Variants in ZNF302 observed in about 807,000 individuals in gnomAD.
The protein encoded by ZNF302 is zinc finger protein 302, also known as zinc finger protein 327.
In ZNF302, 12 loss-of-function variants were observed where a neutral mutation model predicts 10.8. That is an observed-to-expected ratio of 1.11 (90% CI 0.71 to 1.79). ZNF302 has a LOEUF of 1.79. ZNF302 is among the 40% of genes most tolerant of loss of function. The pLI is 0.00. For missense variants in ZNF302, 461 were observed against 471.1 expected, an observed-to-expected ratio of 0.98 and a Z score of 0.20; for synonymous variants, 178 against 157.5, an observed-to-expected ratio of 1.13 and a Z score of -0.98.
At chr19:34,683,366 G>T in intron 4 of ZNF302, 128 bp downstream of exon 4, 1 of 1,061,518 alleles carries the variant, frequency 9.4e-7, no homozygotes, top group South Asian at 1.7e-5. Context: ...AAAATTGAGG[G>T]ATATTTAGCT....
intron 3 of ZNF302, 54 bp from the exon 4 acceptor site, chr19:34,683,101 C>G: frequency 1.9e-6 from 3 of 1,608,338 alleles, no homozygotes; most frequent in Non-Finnish European, 2.6e-6. Flanking sequence ...TTGTGATGGC[C>G]TCTCATAATA....
chr19:34,681,110 C>G (rs1000193422), intron 2 of ZNF302, among the ~76,000 whole-genome samples: 4 of 152,152 alleles, frequency 2.6e-5, no homozygotes, highest in African/African-American at 9.7e-5. Context: ...ATCCATGTCA[C>G]TGGTGAACAT....
intron 2 of ZNF302, among the ~76,000 whole-genome samples, chr19:34,680,387 C>T (rs901456846): frequency 3.9e-5 from 6 of 152,110 alleles, no homozygotes; most frequent in South Asian, 4.1e-4. Context: ...CTGATCAGTA[C>T]GGTAGCCAAC....
At chr19:34,684,092 G>A (rs1174301162) in intron 4 of ZNF302, 160 bp from the exon 5 acceptor site, 2 of 1,498,424 alleles carry the variant, frequency 1.3e-6, no homozygotes. Flanking sequence ...TATTTGAGTT[G>A]TCAGAACTAT....
chr19:34,681,816 C>CA (rs2068362821), intron 2 of ZNF302: 1 of 152,208 alleles, frequency 6.6e-6, no homozygotes, highest in Non-Finnish European at 1.5e-5. Context: ...AACCATCCTT[C>CA]AGTCTTTTCA....
At chr19:34,678,431 CAAA>C (rs11441977) in intron 1 of ZNF302, among the ~76,000 whole-genome samples, 1 of 115,244 alleles carries the variant, frequency 8.7e-6, no homozygotes. Flanking sequence ...GACTCCGTCT[CAAA>C]AAAAAAAAAA....
rs370599937 is a variant in ZNF302 at position 34,684,358 on chromosome 19, T to C, written c.321T>C (p.Tyr107=). The C allele has an allele frequency of 3.9e-5, 62 of 1,602,026 alleles. No homozygotes were observed. The highest frequency in any genetic ancestry group is 1.1e-4 in the East Asian group (5 of 44,738). ...VTMEKVVKQS[Y]EFSNSNKNLE... is the part of the protein sequence containing the mutation. ...TGGAAAAAGTTGTAAAACAAAGTTA[T>C]GAATTTTCAAATTCTAATAAGAATT... The change falls in exon 5 of 5, where the codon TAT becomes TAC. Residue 107 remains tyrosine (Y), a synonymous_variant. Coordinates refer to ENST00000505242, the MANE Select transcript of ZNF302 (RefSeq NM_001289187.2).
chr19:34,676,643 G>A (rs1043941745), upstream of ZNF302: 2 of 152,168 alleles, frequency 1.3e-5, no homozygotes, highest in African/African-American at 4.8e-5. Context: ...TGAGCTCTAA[G>A]AACTCTCTCT....
At position 34,679,766 on chromosome 19, in the gene ZNF302, C is replaced by A. The variant is rs189172176; in HGVS notation, c.9+953C>A. The A allele has an allele frequency of 3.1e-5, 21 of 675,880 alleles. No individual in the cohort carries two copies. In the East Asian group the frequency reaches 5.7e-4, roughly 18 times the overall value. The allele number at this position is 675,880 out of a possible 1,614,324, so 41.9% of individuals were successfully genotyped here. On this transcript the variant is annotated intron_variant, in intron 2 of 4. Coordinates refer to ENST00000505242, the MANE Select transcript of ZNF302 (RefSeq NM_001289187.2). ...TGATGTACTGTATGTTCAGTATATGCACGTGCTCATTGTCTGTTCCTGGTG... is the reference window on the plus strand; with the variant it reads ...TGATGTACTGTATGTTCAGTATATGAACGTGCTCATTGTCTGTTCCTGGTG...
chr19:34,684,476 C>T lies in ZNF302; in HGVS notation c.439C>T (p.His147Tyr), dbSNP rs1258221506. The T allele has an allele frequency of 1.9e-6, 3 of 1,612,626 alleles. No individual in the cohort carries two copies. Among genetic ancestry groups the T allele is most frequent in the East Asian group, 2.2e-5 (1 of 44,856 alleles). Residue 147 changes from histidine (H) to tyrosine (Y), a missense_variant, in exon 5 of 5, where the codon CAC (histidine) becomes TAC (tyrosine). Coordinates refer to ENST00000505242, the MANE Select transcript of ZNF302 (RefSeq NM_001289187.2). ...AAACAATTCTGCTGAAGGGAATTCA[C>T]ACAAATATGATATATTAAAGAAGAA... ...PQNNSAEGNS[H>Y]KYDILKKNLS... is the part of the protein sequence containing the mutation.
chr19:34,685,514 G>C lies in ZNF302; in HGVS notation c.*277G>C. The C allele has an allele frequency of 2.6e-6, 4 of 1,568,526 alleles. No homozygotes were observed. Among genetic ancestry groups the C allele is most frequent in the Non-Finnish European group, 3.5e-6 (4 of 1,139,716 alleles). On this transcript the variant is annotated 3_prime_UTR_variant, in exon 5 of 5. Coordinates refer to ENST00000505242, the MANE Select transcript of ZNF302 (RefSeq NM_001289187.2). ...TGAGTGTGGGAAAGCTTTTAGCAAA[G>C]GCTCGAATCTTACTGCCCATCAAAG...
intron 2 of ZNF302, chr19:34,679,869 A>C: frequency 2.8e-6 from 2 of 703,032 alleles, no homozygotes; most frequent in Non-Finnish European, 5.2e-6. Context: ...ATGGATGCTT[A>C]GTAAGTAATT....
rs1220005707 is a variant in ZNF302, at chr19:34,685,733, T to C, written c.*496T>C. ...AAAAGTTGTATGAAGGTGGTGAACA[T>C]GGGAGACTTTTAGCAATGATGCAGA... On this transcript the variant is annotated 3_prime_UTR_variant, in exon 5 of 5. Transcript: ENST00000505242. 1 of 606,970 alleles carries C rather than the reference T, an allele frequency of 1.6e-6. No homozygotes were observed. The highest frequency in any genetic ancestry group is 2.8e-5 in the Admixed American group (1 of 35,640). The allele number at this position is 606,970 out of a possible 1,614,324, so 37.6% of individuals were successfully genotyped here. A position where few individuals can be genotyped will look rare whatever the true frequency, so the allele number is the denominator to read the frequency against.
At chr19:34,679,927 G>A (rs2068250197) in intron 2 of ZNF302, 1 of 702,898 alleles carries the variant, frequency 1.4e-6, no homozygotes. Context: ...GCAGAATCAT[G>A]GCATGGAAGG....
At chr19:34,678,696 ATTTTTCATGACTGC>A in intron 1 of ZNF302, 27 bp from the exon 2 acceptor site, 1 of 1,354,654 alleles carries the variant, frequency 7.4e-7, no homozygotes, top group Non-Finnish European at 1.0e-6. Context: ...GATAAGCCCG[ATTTTTCATGACTGC>A]TTTTTCCTGC....
rs145547047 is a variant in ZNF302 at position 34,683,046 on chromosome 19, C to G, written c.131-109C>G. ...CTGTTGTGCCCTGCCTAAAGCTTAT[C>G]TTTCCATTTCAGTGAACACCCTTCA... On this transcript the variant is annotated intron_variant, in intron 3 of 4. Coordinates refer to ENST00000505242, the MANE Select transcript of ZNF302 (RefSeq NM_001289187.2). 6.2e-3 allele frequency: 9,679 copies of G among 1,573,560 alleles called. 427 individuals are homozygous for G. In the South Asian group the frequency reaches 0.086, roughly 14 times the overall value.
In ZNF302 at chr19:34,685,485, G is replaced by A. The variant is rs2068613152; in HGVS notation, c.*248G>A. On this transcript the variant is annotated 3_prime_UTR_variant, in exon 5 of 5. Coordinates refer to ENST00000505242, the MANE Select transcript of ZNF302 (RefSeq NM_001289187.2). Reference sequence around the variant, plus strand: ...CATACTGGAGAAAAGCCATATAAATGTAGTGAGTGTGGGAAAGCTTTTAGC... The same window carrying A: ...CATACTGGAGAAAAGCCATATAAATATAGTGAGTGTGGGAAAGCTTTTAGC... 3 of 1,587,304 alleles carry A rather than the reference G, an allele frequency of 1.9e-6. No individual in the cohort carries two copies. The highest frequency in any genetic ancestry group is 1.7e-5 in the Admixed American group (1 of 59,804).
Position 34,684,335 on chromosome 19 carries a change from GA to G in ZNF302, c.303del (p.Val102LeufsTer2). 6.3e-7 allele frequency: 1 copy of G among 1,598,258 alleles called. No individual in the cohort carries two copies. The highest frequency in any genetic ancestry group is 8.5e-7 in the Non-Finnish European group (1 of 1,174,748). ...AGATTCACCCCAACCAGTAACAATG[GA>G]AAAAGTTGTAAAACAAAGTTATGAA... ...DEDSPQPVTM[E>X]KVVKQSYEFS... On this transcript the variant is annotated frameshift_variant, in exon 5 of 5. Coordinates refer to ENST00000505242, the MANE Select transcript of ZNF302 (RefSeq NM_001289187.2). LOFTEE classifies it low-confidence loss of function (END_TRUNC).
In ZNF302 at chr19:34,685,675, C is replaced by A; in HGVS notation, c.*438C>A. 1 of 730,170 alleles carries A rather than the reference C, an allele frequency of 1.4e-6. No homozygotes were observed. 45.2% of individuals were successfully genotyped at this position (730,170 alleles called of 1,614,324 possible). ...CGGTAAACTTCATTCATAGATCCTC[C>A]CTTATTTAACATCAGAAAAATGTAT... On this transcript the variant is annotated 3_prime_UTR_variant, in exon 5 of 5. Coordinates refer to ENST00000505242, the MANE Select transcript of ZNF302 (RefSeq NM_001289187.2).
Sources: allele counts gnomAD v4.1 joint callset (sites outside exome capture counted in the v4.1 genomes callset), GRCh38; gene constraint gnomAD v4.1.1; transcripts MANE v1.5; gene names NCBI Gene and HGNC (gene_info 2026-07-23, HGNC 2026-07-21).